Variants in MAML3 observed in about 807,000 individuals in gnomAD.
MAML3 encodes the protein mastermind-like protein 3.
A neutral mutation model predicts 101.9 loss-of-function variants in MAML3; 27 were observed. The observed-to-expected ratio is 0.27, with a 90% CI of 0.20 to 0.37. The LOEUF is 0.37. MAML3 is among the 10% of genes least tolerant of loss of function. The pLI, the probability that MAML3 is intolerant of heterozygous loss-of-function variation, is 1.00. For synonymous variants in MAML3, 501 were observed against 555.9 expected, an observed-to-expected ratio of 0.90 and a Z score of 1.39; for missense variants, 1,316 against 1,444.9, an observed-to-expected ratio of 0.91 and a Z score of 1.45.
intron 2 of MAML3, among the ~76,000 whole-genome samples, chr4:139,769,382 G>A (rs554621174): frequency 6.6e-6 from 1 of 152,270 alleles, no homozygotes; most frequent in African/African-American, 2.4e-5. Context: ...TTTGATTAGG[G>A]TGCTCTCTTG....
intron 1 of MAML3, among the ~76,000 whole-genome samples, chr4:140,152,168 G>T (rs1255551605): frequency 6.6e-6 from 1 of 152,150 alleles, no homozygotes; most frequent in Non-Finnish European, 1.5e-5. Context: ...GCAAAGAGCG[G>T]AGCGCACCCG....
chr4:140,054,175 G>A (rs1053865636), intron 1 of MAML3, among the ~76,000 whole-genome samples: 1 of 152,022 alleles, frequency 6.6e-6, no homozygotes, highest in Non-Finnish European at 1.5e-5. Flanking sequence ...TTCGAGACCA[G>A]CCTGGCCAAC....
chr4:140,152,035 A>C (rs1405231117), intron 1 of MAML3, among the ~76,000 whole-genome samples: 2 of 152,186 alleles, frequency 1.3e-5, no homozygotes, highest in East Asian at 3.9e-4. Context: ...TCCCAAGCGA[A>C]GTTGTGTGGT....
chr4:140,104,412 TAATATATAATATAC>T (rs1427867849), intron 1 of MAML3, among the ~76,000 whole-genome samples: 7 of 33,318 alleles, frequency 2.1e-4, no homozygotes, highest in Non-Finnish European at 5.4e-4. Flanking sequence ...ATATATAATA[TAATATATAATATAC>T]ACGAATGTGT....
chr4:140,057,445 T>C (rs938923545), intron 1 of MAML3, among the ~76,000 whole-genome samples: 10 of 152,146 alleles, frequency 6.6e-5, no homozygotes, highest in Non-Finnish European at 1.5e-4. Context: ...AAAAGAATGT[T>C]CTAAGGTGAT....
In MAML3 at chr4:139,768,121, T is replaced by C. The variant is rs79621445; in HGVS notation, c.2080-37454A>G. Among the ~76,000 whole-genome samples the C allele has an allele frequency of 7.9e-4, 120 of 152,318 alleles. 1 individual carries two copies. In the East Asian group the frequency reaches 0.022, roughly 28 times the overall value. The stretch of plus-strand genomic sequence containing the variant: ...TTTTAATGAGTTTTGTCTTGATGAT[T>C]TAAGTTCCTTATAGATTTTGGATAT... On this transcript the variant is annotated intron_variant, in intron 2 of 4. Transcript: ENST00000509479.
intron 1 of MAML3, among the ~76,000 whole-genome samples, chr4:140,078,710 C>G (rs1727815305): frequency 6.6e-6 from 1 of 152,198 alleles, no homozygotes; most frequent in Non-Finnish European, 1.5e-5. Context: ...GAAAAGAAAG[C>G]TAGAGAGTCA....
rs769844879 is a variant in MAML3 at position 139,730,616 on chromosome 4, C to T, written c.2131G>A (p.Val711Met). ...PRTTGPMQSS[V>M]PPGSGGMVSG... ...ACCATGCCACCTGAGCCTGGGGGCACGGAGGACTGCATGGGGCCTGTGGTT... is the reference window on the plus strand; with the variant it reads ...ACCATGCCACCTGAGCCTGGGGGCATGGAGGACTGCATGGGGCCTGTGGTT... Residue 711 changes from valine (V) to methionine (M), a missense_variant, in exon 3 of 5, where the codon GTG becomes ATG. Val to Met is a conservative substitution (Grantham distance 21). Transcript: ENST00000509479. 21 of 1,612,782 alleles carry T rather than the reference C, an allele frequency of 1.3e-5. No homozygotes were observed. Among genetic ancestry groups the T allele is most frequent in the Non-Finnish European group, 1.7e-5 (20 of 1,179,566 alleles).
At position 139,720,184 on chromosome 4, in the gene MAML3, C is replaced by A. The variant is rs367655171; in HGVS notation, c.2556G>T (p.Ala852=). 6.8e-6 allele frequency: 11 copies of A among 1,613,906 alleles called. No individual in the cohort carries two copies. In the Admixed American group the frequency reaches 1.5e-4, roughly 22 times the overall value. The part of the protein sequence containing the change: ...QNPGTMATAA[A]QSEMGLAPYS... ...AAGGGGCCAGTCCCATCTCCGACTG[C>A]GCAGCTGCGGTGGCCATCGTCCCAG... The change falls in exon 5 of 5, where the codon GCG becomes GCT. Residue 852 remains alanine (A), a synonymous_variant. Transcript: ENST00000509479.
intron 2 of MAML3, among the ~76,000 whole-genome samples, chr4:139,850,074 A>G (rs1203153969): frequency 6.6e-6 from 1 of 152,188 alleles, no homozygotes; most frequent in African/African-American, 2.4e-5. Context: ...CTTGCCTGAC[A>G]CTAAATTTTA....
intron 2 of MAML3, among the ~76,000 whole-genome samples, chr4:139,857,953 AGCGTGGTCTGAC>A (rs994897187): frequency 6.6e-6 from 1 of 152,204 alleles, no homozygotes. Context: ...TATGCCACCT[AGCGTGGTCTGAC>A]GAGTGCAGTC....
intron 1 of MAML3, among the ~76,000 whole-genome samples, chr4:140,074,219 A>AGAG: frequency 1.7e-5 from 1 of 57,334 alleles, no homozygotes; most frequent in East Asian, 7.6e-4. Context: ...GAAAGAAAGA[A>AGAG]AGAAAGAAAG....
intron 1 of MAML3, among the ~76,000 whole-genome samples, chr4:140,113,108 C>T (rs1160513168): frequency 2.6e-5 from 4 of 151,952 alleles, no homozygotes; most frequent in Non-Finnish European, 4.4e-5. Context: ...GAAACCCCAT[C>T]TCTACTAAAA....
At chr4:139,927,774 T>C (rs950887626) in intron 1 of MAML3, among the ~76,000 whole-genome samples, 2 of 152,262 alleles carry the variant, frequency 1.3e-5, no homozygotes, top group African/African-American at 2.4e-5. Flanking sequence ...CTATGTCCTT[T>C]TGACAAGCCC....
At chr4:139,722,686 A>G (rs1056932667) in intron 4 of MAML3, among the ~76,000 whole-genome samples, 1 of 152,240 alleles carries the variant, frequency 6.6e-6, no homozygotes, top group Admixed American at 6.5e-5. Context: ...AACATTGCCC[A>G]GAGATCCAGA....
chr4:139,719,999 C>G lies in MAML3; in HGVS notation c.2741G>C (p.Gly914Ala). ...GTTCACCAGCATGCTCTGACCAAAG[C>G]CACTCACCATTCCAACCCCCTGCCC... ...ASGQGVGMVSGFGQSMLVNSA... is the reference protein window; with the variant it reads ...ASGQGVGMVSAFGQSMLVNSA... The change falls in exon 5 of 5, where the codon GGC (glycine) becomes GCC (alanine). Residue 914 changes from glycine (G) to alanine (A), a missense_variant. Transcript: ENST00000509479. 6.2e-7 allele frequency: 1 copy of G among 1,614,094 alleles called. No individual in the cohort carries two copies. The highest frequency in any genetic ancestry group is 8.5e-7 in the Non-Finnish European group (1 of 1,179,908).
chr4:140,015,871 T>A (rs970131818), intron 1 of MAML3, among the ~76,000 whole-genome samples: 2 of 152,164 alleles, frequency 1.3e-5, no homozygotes, highest in African/African-American at 4.8e-5. Context: ...GAGAATCGCT[T>A]TAACCCAAGA....
chr4:140,000,654 C>T (rs984324781), intron 1 of MAML3, among the ~76,000 whole-genome samples: 7 of 152,114 alleles, frequency 4.6e-5, no homozygotes, highest in African/African-American at 1.7e-4. Context: ...AGAAGAATGG[C>T]GGTGGGGAAC....
At chr4:139,799,144 T>C (rs1730564876) in intron 2 of MAML3, among the ~76,000 whole-genome samples, 1 of 152,236 alleles carries the variant, frequency 6.6e-6, no homozygotes, top group South Asian at 2.1e-4. Flanking sequence ...TGGTCCTCTA[T>C]GTTCAAAGAT....
Sources: allele counts gnomAD v4.1 joint callset (sites outside exome capture counted in the v4.1 genomes callset), GRCh38; gene constraint gnomAD v4.1.1; transcripts MANE v1.5; gene names NCBI Gene and HGNC (gene_info 2026-07-23, HGNC 2026-07-21).